DYSF: variants seen among roughly 807,000 people sequenced by gnomAD.
The protein encoded by DYSF is dystrophy-associated fer-1-like 1.
A neutral mutation model predicts 274.9 loss-of-function variants in DYSF; 212 were observed. The ratio of observed to expected loss-of-function variants is 0.77; its 90% CI spans 0.69 to 0.86. The LOEUF (loss-of-function observed/expected upper bound fraction) is 0.86, where lower values mean the gene tolerates loss of function less well. Among genes scored for constraint, DYSF ranks in the 40% least tolerant of loss-of-function variants. The pLI, the probability that DYSF is intolerant of heterozygous loss-of-function variation, is 0.00. For missense variants in DYSF, 2,666 were observed against 2,783.2 expected (o/e 0.96, Z 0.95); for synonymous variants, 1,091 against 1,078.7 (o/e 1.01, Z -0.22).
intron 53 of DYSF, among the ~76,000 whole-genome samples, 190 bp downstream of exon 53, chr2:71,679,425 C>T (rs746653301): frequency 3.9e-5 from 6 of 151,952 alleles, no homozygotes; most frequent in Non-Finnish European, 4.4e-5. Flanking sequence ...TTCCCGGTCG[C>T]CTTCTCCTTT....
intron 3 of DYSF, among the ~76,000 whole-genome samples, chr2:71,500,521 G>T (rs1446058869): frequency 6.6e-6 from 1 of 152,018 alleles, no homozygotes; most frequent in Non-Finnish European, 1.5e-5. Context: ...CTGTCTCTTG[G>T]GCATCCAAGA....
chr2:71,577,446 A>G (rs1219946763), intron 30 of DYSF, among the ~76,000 whole-genome samples: 1 of 151,158 alleles, frequency 6.6e-6, no homozygotes, highest in African/African-American at 2.4e-5. Context: ...TCTCACACAT[A>G]CCCTCACACA....
At chr2:71,467,218 G>T (rs1175712709) in intron 1 of DYSF, among the ~76,000 whole-genome samples, 3 of 152,232 alleles carry the variant, frequency 2.0e-5, no homozygotes, top group African/African-American at 7.2e-5. Context: ...AATAAAGTCC[G>T]AGCTTTTACT....
rs561453796 is a variant in DYSF at position 71,515,728 on chromosome 2, G to A, written c.865G>A (p.Gly289Arg). The A allele has an allele frequency of 1.2e-6, 2 of 1,614,164 alleles. No homozygotes were observed. The highest frequency in any genetic ancestry group is 4.5e-5 in the East Asian group (2 of 44,878). Reference protein sequence around the residue: ...GQTKRTRIHKGNSPLFNETLF... With the variant: ...GQTKRTRIHKRNSPLFNETLF... ...GACCAAGCGGACGCGGATCCACAAG[G>A]GAAACAGCCCACTCTTCAATGAGGT... The change falls in exon 8 of 56, where the codon GGA becomes AGA. Residue 289 changes from glycine to arginine, a missense_variant. Physicochemically the swap from Gly to Arg is moderately radical, Grantham distance 125. This residue lies in a region of DYSF where 794 missense variants were observed against 777.1 expected (regional missense o/e 1.02). Coordinates refer to ENST00000410020, the MANE Select transcript of DYSF (RefSeq NM_001130987.2).
chr2:71,468,671 T>C (rs1402200657), intron 1 of DYSF, among the ~76,000 whole-genome samples: 1 of 152,222 alleles, frequency 6.6e-6, no homozygotes, highest in Admixed American at 6.5e-5. Flanking sequence ...TCTATTTGTA[T>C]TTCAAAGCCC....
intron 22 of DYSF, among the ~76,000 whole-genome samples, chr2:71,558,369 G>C (rs1359634763): frequency 6.6e-6 from 1 of 152,100 alleles, no homozygotes; most frequent in African/African-American, 2.4e-5. Context: ...TGGGAGGACA[G>C]AGTGGGGTTG....
At chr2:71,631,654 A>G (rs1365358701) in intron 41 of DYSF, among the ~76,000 whole-genome samples, 6 of 152,096 alleles carry the variant, frequency 3.9e-5, no homozygotes, top group East Asian at 3.9e-4. Context: ...TCTGTTAGCT[A>G]TTTGGAGTAA....
At chr2:71,644,929 T>A (rs1248294372) in intron 42 of DYSF, among the ~76,000 whole-genome samples, 1 of 152,216 alleles carries the variant, frequency 6.6e-6, no homozygotes, top group Non-Finnish European at 1.5e-5. Flanking sequence ...AAAAGTTCCC[T>A]TATCCCCCTT....
At position 71,648,436 on chromosome 2, in the gene DYSF, G is replaced by A. The variant is rs557921722; in HGVS notation, c.4626+4373G>A. Among the ~76,000 whole-genome samples the A allele has an allele frequency of 1.8e-3, 272 of 152,174 alleles. 1 individual carries two copies. The highest frequency in any genetic ancestry group is 6.2e-3 in the African/African-American group (258 of 41,514). On this transcript the variant is annotated intron_variant, in intron 42 of 55. Transcript: ENST00000410020. ...GTAAGCAAACGAAAATGGAAATAAT[G>A]AAAAAGTTATAAAGGAACAAAGAGA...
chr2:71,495,335 G>T (rs923620923), intron 3 of DYSF, among the ~76,000 whole-genome samples: 1 of 152,234 alleles, frequency 6.6e-6, no homozygotes, highest in African/African-American at 2.4e-5. Flanking sequence ...CACGCAGCTG[G>T]TCAGATTGCA....
intron 45 of DYSF, among the ~76,000 whole-genome samples, chr2:71,663,426 AG>A (rs2094937669): frequency 1.3e-5 from 2 of 152,154 alleles, no homozygotes; most frequent in Non-Finnish European, 2.9e-5. Context: ...CAGGATTCAG[AG>A]CAGTTCCAGT....
At chr2:71,501,180 C>T (rs930297288) in intron 3 of DYSF, among the ~76,000 whole-genome samples, 4 of 152,110 alleles carry the variant, frequency 2.6e-5, no homozygotes, top group African/African-American at 9.7e-5. Flanking sequence ...GCTCCTAACA[C>T]TGTGAGGGGG....
chr2:71,629,332 C>T (rs933332525), intron 41 of DYSF, among the ~76,000 whole-genome samples: 1 of 152,142 alleles, frequency 6.6e-6, no homozygotes, highest in African/African-American at 2.4e-5. Context: ...TCTCCTGTCC[C>T]TTTGCAATAT....
intron 27 of DYSF, 40 bp from the exon 28 acceptor site, chr2:71,570,189 T>C (rs201715083): frequency 3.5e-4 from 555 of 1,566,488 alleles, no homozygotes; most frequent in Non-Finnish European, 4.4e-4. Flanking sequence ...CACATCTGTC[T>C]GTCTCCTCTC....
At chr2:71,666,660 C>A (rs573371439) in intron 47 of DYSF, among the ~76,000 whole-genome samples, 7 of 152,322 alleles carry the variant, frequency 4.6e-5, no homozygotes, top group Middle Eastern at 3.4e-3. Flanking sequence ...TTGACCCATT[C>A]CCTAGCAGGG....
intron 55 of DYSF, among the ~76,000 whole-genome samples, chr2:71,685,727 G>A (rs551493924): frequency 1.1e-4 from 16 of 152,210 alleles, no homozygotes; most frequent in Admixed American, 1.3e-4. Context: ...GGCAGGAGGC[G>A]TTTGGCGGGG....
chr2:71,516,279 T>C, intron 9 of DYSF, 37 bp downstream of exon 9: 1 of 1,598,896 alleles, frequency 6.3e-7, no homozygotes, highest in Non-Finnish European at 8.6e-7. Context: ...CCGTGGGCTG[T>C]ATGTATGCAC....
intron 3 of DYSF, among the ~76,000 whole-genome samples, chr2:71,493,775 C>T (rs184943549): frequency 7.2e-6 from 1 of 138,380 alleles, no homozygotes; most frequent in African/African-American, 2.7e-5. Context: ...TTGCTTGAAC[C>T]CAGGAGGTGG....
intron 10 of DYSF, among the ~76,000 whole-genome samples, chr2:71,518,338 C>G (rs964652203): frequency 1.3e-5 from 2 of 150,496 alleles, no homozygotes; most frequent in Non-Finnish European, 3.0e-5. Flanking sequence ...CTCACTGCAA[C>G]CTCTGCTTCC....
Sources: allele counts gnomAD v4.1 joint callset (sites outside exome capture counted in the v4.1 genomes callset), GRCh38; gene constraint gnomAD v4.1.1; regional missense constraint gnomAD v4.1.1; transcripts MANE v1.5; gene names NCBI Gene and HGNC (gene_info 2026-07-23, HGNC 2026-07-21).